The following SCFD2 variants were observed in gnomAD, a reference collection of about 807,000 sequenced individuals.
SCFD2 encodes the protein sec1 family domain-containing protein 2.
SCFD2 carries 54 observed loss-of-function variants against 58.9 expected under a neutral mutation model. The observed-to-expected ratio is 0.92, with a 90% CI of 0.74 to 1.15. The LOEUF is 1.15. Among genes scored for constraint, SCFD2 ranks in the 50% most tolerant of loss-of-function variants. The pLI is 0.00. For missense variants in SCFD2, 805 were observed against 836.6 expected, an observed-to-expected ratio of 0.96 and a Z score of 0.47; for synonymous variants, 321 against 335.9, an observed-to-expected ratio of 0.96 and a Z score of 0.49.
chr4:53,253,544 G>A (rs1490340064), intron 4 of SCFD2, among the ~76,000 whole-genome samples: 1 of 152,004 alleles, frequency 6.6e-6, no homozygotes, highest in Non-Finnish European at 1.5e-5. Flanking sequence ...ATACACCATG[G>A]AATACTATGT....
intron 5 of SCFD2, among the ~76,000 whole-genome samples, chr4:52,975,218 C>T (rs1255731371): frequency 2.6e-5 from 4 of 152,114 alleles, no homozygotes; most frequent in Admixed American, 6.6e-5. Flanking sequence ...GAAACTACCA[C>T]TAGAGTGAAC....
intron 4 of SCFD2, among the ~76,000 whole-genome samples, chr4:53,238,203 G>A (rs1203723732): frequency 8.0e-4 from 115 of 143,636 alleles, no homozygotes; most frequent in African/African-American, 2.8e-3. Flanking sequence ...CTCCCTCCCG[G>A]ACGGGGCGGC....
intron 4 of SCFD2, among the ~76,000 whole-genome samples, chr4:53,271,491 C>A (rs1400669750): frequency 7.4e-6 from 1 of 135,450 alleles, no homozygotes; most frequent in Non-Finnish European, 1.6e-5. Context: ...GAGATGGAGT[C>A]TCCCTCTGTC....
chr4:52,939,372 C>T (rs1024603013), intron 5 of SCFD2, among the ~76,000 whole-genome samples: 8 of 152,066 alleles, frequency 5.3e-5, no homozygotes, highest in Non-Finnish European at 7.4e-5. Context: ...TTCAGAATTG[C>T]TAGTAAGTGA....
intron 7 of SCFD2, among the ~76,000 whole-genome samples, chr4:52,906,454 CT>C (rs1376468096): frequency 2.0e-5 from 3 of 152,300 alleles, no homozygotes; most frequent in East Asian, 3.9e-4. Context: ...AATTCTGGGC[CT>C]ACTTATACCA....
At chr4:52,993,734 T>C (rs1721676034) in intron 5 of SCFD2, among the ~76,000 whole-genome samples, 2 of 152,192 alleles carry the variant, frequency 1.3e-5, no homozygotes, top group Admixed American at 1.3e-4. Context: ...ACTCCAATGA[T>C]AAAAATGGTC....
At chr4:52,964,591 A>G (rs1720919393) in intron 5 of SCFD2, among the ~76,000 whole-genome samples, 1 of 152,180 alleles carries the variant, frequency 6.6e-6, no homozygotes, top group East Asian at 1.9e-4. Flanking sequence ...TAATGGTTCC[A>G]GGTAAACAAA....
intron 5 of SCFD2, among the ~76,000 whole-genome samples, chr4:52,952,061 G>A (rs1048046518): frequency 1.2e-4 from 18 of 152,060 alleles, no homozygotes; most frequent in African/African-American, 2.7e-4. Flanking sequence ...ATCTGTACAC[G>A]GAGACAGTAC....
intron 8 of SCFD2, among the ~76,000 whole-genome samples, chr4:52,882,492 C>T (rs1185714479): frequency 1.3e-5 from 2 of 152,032 alleles, no homozygotes; most frequent in East Asian, 1.9e-4. Context: ...AAGGTGTTGC[C>T]AAAGGAGATT....
At chr4:52,901,787 G>T (rs969783912) in intron 7 of SCFD2, among the ~76,000 whole-genome samples, 4 of 152,204 alleles carry the variant, frequency 2.6e-5, no homozygotes, top group African/African-American at 4.8e-5. Flanking sequence ...GCTAAATGCT[G>T]CAAAGAAAGT....
At chr4:53,109,917 C>T (rs1725119793) in intron 5 of SCFD2, among the ~76,000 whole-genome samples, 2 of 151,820 alleles carry the variant, frequency 1.3e-5, no homozygotes, top group Admixed American at 1.3e-4. Flanking sequence ...CAAGACAATC[C>T]TAAGCCAAAA....
intron 3 of SCFD2, among the ~76,000 whole-genome samples, chr4:53,313,268 C>A (rs572914340): frequency 1.3e-5 from 2 of 152,008 alleles, no homozygotes; most frequent in African/African-American, 2.4e-5. Flanking sequence ...AATAAGAGAA[C>A]TTTTACCCAC....
chr4:52,938,469 G>A (rs1720200170), intron 5 of SCFD2, among the ~76,000 whole-genome samples: 1 of 152,160 alleles, frequency 6.6e-6, no homozygotes, highest in Non-Finnish European at 1.5e-5. Context: ...AAATGGCTAG[G>A]AGAAAGATCA....
chr4:53,250,254 T>C (rs1037281499), intron 4 of SCFD2, among the ~76,000 whole-genome samples: 33 of 152,092 alleles, frequency 2.2e-4, no homozygotes, highest in African/African-American at 7.7e-4. Flanking sequence ...GAACTAACTA[T>C]CCTAAATATA....
intron 5 of SCFD2, among the ~76,000 whole-genome samples, chr4:53,003,177 C>T (rs1721902255): frequency 6.6e-6 from 1 of 152,140 alleles, no homozygotes; most frequent in Admixed American, 6.5e-5. Context: ...CTCTCTTTTC[C>T]CTCTCTCCCT....
intron 4 of SCFD2, among the ~76,000 whole-genome samples, chr4:53,203,122 C>A (rs1375569945): frequency 6.6e-6 from 1 of 152,158 alleles, no homozygotes; most frequent in East Asian, 1.9e-4. Flanking sequence ...AAAGGGAATG[C>A]TTCCAGTTTT....
chr4:53,251,427 CA>C (rs1189399350), intron 4 of SCFD2, among the ~76,000 whole-genome samples: 17 of 152,068 alleles, frequency 1.1e-4, no homozygotes, highest in African/African-American at 3.6e-4. Flanking sequence ...AGAGACACAA[CA>C]AAAAAAGAGA....
At chr4:53,164,801 A>AGAAGAAG (rs202237049) in intron 4 of SCFD2, among the ~76,000 whole-genome samples, 3 of 150,538 alleles carry the variant, frequency 2.0e-5, no homozygotes, top group African/African-American at 7.4e-5. Flanking sequence ...AAAAAAAAAA[A>AGAAGAAG]AAAAAGAAGA....
At chr4:53,330,625 C>G (rs2149131309) in intron 2 of SCFD2, among the ~76,000 whole-genome samples, 1 of 152,130 alleles carries the variant, frequency 6.6e-6, no homozygotes, top group Admixed American at 6.5e-5. Context: ...CAACCAGTAC[C>G]AGCCGCTGCA....
Sources: allele counts gnomAD v4.1 joint callset (sites outside exome capture counted in the v4.1 genomes callset), GRCh38; gene constraint gnomAD v4.1.1; transcripts MANE v1.5; gene names NCBI Gene and HGNC (gene_info 2026-07-23, HGNC 2026-07-21).